The following FBXL17 variants were observed in gnomAD, a reference collection of about 807,000 sequenced individuals.
FBXL17 encodes the protein F-box/LRR-repeat protein 17.
FBXL17 carries 22 observed loss-of-function variants against 66.2 expected under a neutral mutation model. That is an observed-to-expected ratio of 0.33 (90% CI 0.24 to 0.47). The LOEUF is 0.47. Among genes scored for constraint, FBXL17 ranks in the 20% least tolerant of loss-of-function variants. FBXL17 has a pLI of 1.00. For missense variants in FBXL17, 878 were observed against 948.2 expected (o/e 0.93, Z 0.97); for synonymous variants, 474 against 400.5 (o/e 1.18, Z -2.19).
At chr5:107,907,329 T>A (rs1749794681) in intron 7 of FBXL17, among the ~76,000 whole-genome samples, 1 of 152,168 alleles carries the variant, frequency 6.6e-6, no homozygotes, top group Non-Finnish European at 1.5e-5. Context: ...TTTATAAGCA[T>A]CCTTTGTGCT....
At position 107,859,747 on chromosome 5, in the gene FBXL17, T is replaced by A. The variant is rs1466751258; in HGVS notation, c.*1973A>T. On this transcript the variant is annotated 3_prime_UTR_variant, in exon 9 of 9. Transcript: ENST00000542267. ...TGGCTCTCCCTTCTTTTGTCTTTTT[T>A]AACTATTTAAAATATAGTATGACAT... is the stretch of plus-strand genomic sequence containing the variant. 1 of 152,188 alleles carries A rather than the reference T, an allele frequency of 6.6e-6. No individual in the cohort carries two copies. Among genetic ancestry groups the A allele is most frequent in the Non-Finnish European group, 1.5e-5 (1 of 68,020 alleles). 9.4% of individuals were successfully genotyped at this position (152,188 alleles called of 1,614,324 possible). A position where few individuals can be genotyped will look rare whatever the true frequency, so the allele number is the denominator to read the frequency against.
At chr5:108,015,085 A>C (rs1259447053) in intron 7 of FBXL17, among the ~76,000 whole-genome samples, 1 of 152,194 alleles carries the variant, frequency 6.6e-6, no homozygotes, top group Non-Finnish European at 1.5e-5. Context: ...CAGCCAAACC[A>C]TATCACATTA....
chr5:108,133,179 A>G, intron 6 of FBXL17, among the ~76,000 whole-genome samples: 1 of 152,294 alleles, frequency 6.6e-6, no homozygotes, highest in East Asian at 1.9e-4. Flanking sequence ...AAGCATCAAA[A>G]AAAGTGAAAT....
intron 4 of FBXL17, among the ~76,000 whole-genome samples, chr5:108,332,976 A>C (rs931158466): frequency 7.2e-6 from 1 of 138,840 alleles, no homozygotes; most frequent in Non-Finnish European, 1.6e-5. Flanking sequence ...GTCTATAGTT[A>C]AAGATTATGA....
intron 4 of FBXL17, among the ~76,000 whole-genome samples, chr5:108,274,255 C>T (rs561455766): frequency 2.2e-4 from 34 of 152,288 alleles, no homozygotes; most frequent in African/African-American, 7.5e-4. Context: ...CTCACCTCTG[C>T]AGTCTCGACC....
chr5:107,917,686 T>C (rs1323776095), intron 7 of FBXL17, among the ~76,000 whole-genome samples: 1 of 152,196 alleles, frequency 6.6e-6, no homozygotes, highest in Non-Finnish European at 1.5e-5. Context: ...CAATGTTCAG[T>C]GAAGATTTAA....
intron 7 of FBXL17, among the ~76,000 whole-genome samples, chr5:107,993,752 T>C (rs932592353): frequency 3.9e-5 from 6 of 152,214 alleles, no homozygotes; most frequent in African/African-American, 1.4e-4. Flanking sequence ...AATTTTCCTG[T>C]CAAATCACAC....
At chr5:107,935,409 A>ATGTG (rs10636166) in intron 7 of FBXL17, among the ~76,000 whole-genome samples, 66,330 of 148,676 alleles carry the variant, frequency 0.45, 15,743 homozygotes, top group African/African-American at 0.6. Context: ...TTATATATAT[A>ATGTG]TATGTGTGTG....
intron 6 of FBXL17, among the ~76,000 whole-genome samples, chr5:108,031,709 T>C (rs1012274733): frequency 2.0e-5 from 3 of 152,164 alleles, no homozygotes; most frequent in Admixed American, 1.3e-4. Flanking sequence ...TCATTGTACA[T>C]GGTTAGCAAC....
At chr5:108,177,233 CA>C (rs1752826393) in intron 6 of FBXL17, among the ~76,000 whole-genome samples, 1 of 152,084 alleles carries the variant, frequency 6.6e-6, no homozygotes. Context: ...TAGTACAAAA[CA>C]CAAAAATGGG....
intron 5 of FBXL17, among the ~76,000 whole-genome samples, chr5:108,219,928 C>CTTTTTTTT: frequency 1.2e-3 from 45 of 37,458 alleles, no homozygotes; most frequent in African/African-American, 3.3e-3. Flanking sequence ...TTACTATTTC[C>CTTTTTTTT]TTTTTTTTTT....
At chr5:108,376,716 T>C (rs974509244) in intron 1 of FBXL17, among the ~76,000 whole-genome samples, 1 of 152,186 alleles carries the variant, frequency 6.6e-6, no homozygotes, top group Non-Finnish European at 1.5e-5. Flanking sequence ...CACATTTTTC[T>C]GTCTCTTTAC....
At chr5:108,303,563 T>C (rs2150183240) in intron 4 of FBXL17, among the ~76,000 whole-genome samples, 1 of 152,074 alleles carries the variant, frequency 6.6e-6, no homozygotes, top group Admixed American at 6.6e-5. Context: ...ACATATGTAT[T>C]CTGAAGACTT....
rs1245368301 is a variant in FBXL17 at position 108,381,023 on chromosome 5, G to A, written c.669C>T (p.Gly223=). 5 of 1,188,954 alleles carry A rather than the reference G, an allele frequency of 4.2e-6. No homozygotes were observed. The Admixed American group carries it at 1.4e-4, about 32-fold the overall frequency. The allele number at this position is 1,188,954 out of a possible 1,614,324, so 73.7% of individuals were successfully genotyped here. A position where few individuals can be genotyped will look rare whatever the true frequency, so the allele number is the denominator to read the frequency against. Residue 223 remains glycine, a synonymous_variant, in exon 1 of 9, where the codon GGC becomes GGT. Coordinates refer to ENST00000542267, the MANE Select transcript of FBXL17 (RefSeq NM_001163315.3). ...GCCCTCCCCCGCCACCGCCGCCGCC[G>A]CCGCCGCCGCAGCCCCCGCCGCCGC... ...PRCGGGGCGG[G]GGGGGGGGPA...
At chr5:108,205,088 T>TA (rs1754061594) in intron 5 of FBXL17, among the ~76,000 whole-genome samples, 4 of 151,870 alleles carry the variant, frequency 2.6e-5, no homozygotes, top group Admixed American at 2.6e-4. Flanking sequence ...TTCTAATTTT[T>TA]TTTTTAGAAA....
chr5:107,916,562 C>T (rs1330824931), intron 7 of FBXL17, among the ~76,000 whole-genome samples: 1 of 151,914 alleles, frequency 6.6e-6, no homozygotes, highest in African/African-American at 2.4e-5. Flanking sequence ...CAAAGATATT[C>T]AACAATAAAT....
In FBXL17 at chr5:108,130,044, A is replaced by G. The variant is rs371305411; in HGVS notation, c.1745+56073T>C. The stretch of plus-strand genomic sequence containing the variant: ...CATTTTAAAAGAAAAAATTGTTTCA[A>G]AGGAAGAATAATCATACATAAACTG... On this transcript the variant is annotated intron_variant, in intron 6 of 8. Transcript: ENST00000542267. 4.3e-4 allele frequency among the ~76,000 whole-genome samples: 65 copies of G among 152,034 alleles called. No homozygotes were observed. The South Asian group carries it at 0.013, about 30-fold the overall frequency.
chr5:108,204,892 G>A (rs996108576), intron 5 of FBXL17, among the ~76,000 whole-genome samples: 1 of 151,896 alleles, frequency 6.6e-6, no homozygotes, highest in African/African-American at 2.4e-5. Context: ...TTAAAACCTA[G>A]CTCGATTATC....
At chr5:108,284,452 A>T (rs1757818833) in intron 4 of FBXL17, among the ~76,000 whole-genome samples, 1 of 151,960 alleles carries the variant, frequency 6.6e-6, no homozygotes, top group African/African-American at 2.4e-5. Flanking sequence ...CCAGGCACAG[A>T]AAGACAAATG....
Sources: allele counts gnomAD v4.1 joint callset (sites outside exome capture counted in the v4.1 genomes callset), GRCh38; gene constraint gnomAD v4.1.1; transcripts MANE v1.5; gene names NCBI Gene and HGNC (gene_info 2026-07-23, HGNC 2026-07-21).